The following PTGDS variants were observed in gnomAD, a reference collection of about 807,000 sequenced individuals.
PTGDS encodes prostaglandin-H2 D-isomerase.
A neutral mutation model predicts 28.4 loss-of-function variants in PTGDS; 21 were observed. The observed-to-expected ratio is 0.74, with a 90% CI of 0.52 to 1.07. The LOEUF (loss-of-function observed/expected upper bound fraction) is 1.07. Ranked by LOEUF, PTGDS falls within the 50% of genes least tolerant of loss-of-function variation. PTGDS has a pLI of 0.00. For synonymous variants in PTGDS, 102 were observed against 106.0 expected, an observed-to-expected ratio of 0.96 and a Z score of 0.23; for missense variants, 243 against 247.7, an observed-to-expected ratio of 0.98 and a Z score of 0.13.
At chr9:136,978,971 G>C (rs1434617572) in intron 1 of PTGDS, 22 bp from the exon 2 acceptor site, 1 of 1,602,356 alleles carries the variant, frequency 6.2e-7, no homozygotes, top group Non-Finnish European at 8.5e-7. Context: ...TGGCCGACGC[G>C]GGTGGGGGTC....
In PTGDS at chr9:136,979,045, G is replaced by C; in HGVS notation, c.167G>C (p.Arg56Pro). Reference sequence around the variant, plus strand: ...CTCGCCTCCAACTCGAGCTGGCTCCGGGAGAAGAAGGCGGCGTTGTCCATG... The same window carrying C: ...CTCGCCTCCAACTCGAGCTGGCTCCCGGAGAAGAAGGCGGCGTTGTCCATG... The part of the protein sequence containing the change: ...AGLASNSSWL[R>P]EKKAALSMCK... The change falls in exon 2 of 7, where the codon CGG (arginine) becomes CCG (proline). Residue 56 changes from arginine to proline, a missense_variant. Transcript: ENST00000371625. The C allele has an allele frequency of 6.2e-7, 1 of 1,608,700 alleles. No individual in the cohort carries two copies. Among genetic ancestry groups the C allele is most frequent in the Admixed American group, 1.7e-5 (1 of 59,656 alleles).
chr9:136,978,819 G>T (rs760801858), intron 1 of PTGDS, 174 bp from the exon 2 acceptor site: 11 of 894,794 alleles, frequency 1.2e-5, no homozygotes, highest in South Asian at 1.1e-4. Context: ...GGGATTGAGG[G>T]GCGGGGGTCA....
chr9:136,977,742 G>A, intron 1 of PTGDS, 50 bp downstream of exon 1: 2 of 1,456,150 alleles, frequency 1.4e-6, no homozygotes, highest in African/African-American at 2.9e-5. Context: ...CCCTGTCAGG[G>A]GAAGGGCACT....
intron 3 of PTGDS, 168 bp from the exon 4 acceptor site, chr9:136,979,778 T>A (rs1830425679): frequency 2.8e-6 from 2 of 716,996 alleles, no homozygotes; most frequent in Admixed American, 4.3e-5. Flanking sequence ...GTTCACAGGC[T>A]GTGCAGGCGA....
At chr9:136,978,479 TG>T (rs1231017646) in intron 1 of PTGDS, among the ~76,000 whole-genome samples, 1 of 7,450 alleles carries the variant, frequency 1.3e-4, no homozygotes, top group Non-Finnish European at 2.5e-4. Flanking sequence ...GAGGGGGAAG[TG>T]GGGCGTGGTC....
At chr9:136,981,303 A>G (rs2131398812) in intron 6 of PTGDS, among the ~76,000 whole-genome samples, 1 of 152,152 alleles carries the variant, frequency 6.6e-6, no homozygotes, top group East Asian at 1.9e-4. Flanking sequence ...CAGCTCGGAG[A>G]GCAGGCTCAG....
At chr9:136,978,103 CACAG>C (rs892324407) in intron 1 of PTGDS, among the ~76,000 whole-genome samples, 101 of 152,274 alleles carry the variant, frequency 6.6e-4, no homozygotes, top group Non-Finnish European at 1.4e-3. Flanking sequence ...ACGCGCACCG[CACAG>C]ACAGCCGGCG....
intron 1 of PTGDS, among the ~76,000 whole-genome samples, chr9:136,978,354 C>A (rs1320149681): frequency 6.6e-6 from 1 of 150,490 alleles, no homozygotes; most frequent in Non-Finnish European, 1.5e-5. Context: ...TGGTGGGCGG[C>A]GTGCGAGGGT....
chr9:136,981,102 A>C, intron 6 of PTGDS: 1 of 573,732 alleles, frequency 1.7e-6, no homozygotes, highest in South Asian at 2.5e-5. Flanking sequence ...CTGACTCCTG[A>C]AGGCTCATGG....
At chr9:136,979,871 G>A in intron 3 of PTGDS, 75 bp from the exon 4 acceptor site, 2 of 1,388,170 alleles carry the variant, frequency 1.4e-6, no homozygotes, top group Non-Finnish European at 2.0e-6. Context: ...AAGCCCACAG[G>A]TGCACCCCTT....
In PTGDS at chr9:136,979,985, A is replaced by G. The variant is rs1457682620; in HGVS notation, c.371A>G (p.Asp124Gly). The G allele has an allele frequency of 6.2e-7, 1 of 1,613,084 alleles. No homozygotes were observed. The highest frequency in any genetic ancestry group is 1.3e-5 in the African/African-American group (1 of 74,908). The stretch of plus-strand genomic sequence containing the variant: ...TACTCCGTGTCAGTGGTGGAGACCG[A>G]CTACGACCAGTACGCGCTGCTGTAC... ...STYSVSVVETDYDQYALLYSQ... is the reference protein window; with the variant it reads ...STYSVSVVETGYDQYALLYSQ... Residue 124 changes from aspartate to glycine, a missense_variant, in exon 4 of 7, where the codon GAC (aspartate) becomes GGC (glycine). Asp to Gly is a moderately conservative substitution (Grantham distance 94). Transcript: ENST00000371625.
chr9:136,977,668 G>A lies in PTGDS; in HGVS notation c.90G>A (p.Val30=). 6.2e-7 allele frequency: 1 copy of A among 1,604,468 alleles called. No individual in the cohort carries two copies. Among genetic ancestry groups the A allele is most frequent in the Non-Finnish European group, 8.5e-7 (1 of 1,176,742 alleles). Residue 30 remains valine (V), a synonymous_variant, in exon 1 of 7, where the codon GTG becomes GTA. Transcript: ENST00000371625. The part of the protein sequence containing the change: ...LQAAPEAQVS[V]QPNFQQDKFL... Reference sequence around the variant, plus strand: ...CAGCACCGGAGGCCCAGGTCTCCGTGCAGCCCAACTTCCAGCAGGACAAGG... The same window carrying A: ...CAGCACCGGAGGCCCAGGTCTCCGTACAGCCCAACTTCCAGCAGGACAAGG...
At chr9:136,978,840 C>A (rs934366593) in intron 1 of PTGDS, 153 bp from the exon 2 acceptor site, 3 of 762,696 alleles carry the variant, frequency 3.9e-6, no homozygotes, top group East Asian at 3.8e-5. Context: ...GTTCCTGGGG[C>A]GGGGCGTGAG....
chr9:136,979,732 G>C lies in PTGDS; in HGVS notation c.332-214G>C. On this transcript the variant is annotated intron_variant, in intron 3 of 6. Transcript: ENST00000371625. ...GCTGCACCAGGAATCCTGGTTTTCTGAGCCTGGCTCCCCCAGATTCTGGTT... is the reference window on the plus strand; with the variant it reads ...GCTGCACCAGGAATCCTGGTTTTCTCAGCCTGGCTCCCCCAGATTCTGGTT... The C allele has an allele frequency of 4.7e-6, 3 of 631,714 alleles. No homozygotes were observed. The South Asian group carries it at 5.6e-5, about 12-fold the overall frequency. The allele number at this position is 631,714 out of a possible 1,614,324, so 39.1% of individuals were successfully genotyped here.
In PTGDS at chr9:136,979,055, G is replaced by A. The variant is rs1353707200; in HGVS notation, c.177G>A (p.Lys59=). 1.4e-5 allele frequency: 23 copies of A among 1,608,736 alleles called. No individual in the cohort carries two copies. Among genetic ancestry groups the A allele is most frequent in the Non-Finnish European group, 1.8e-5 (21 of 1,177,446 alleles). ...ASNSSWLREK[K]AALSMCKSVV... ...ACTCGAGCTGGCTCCGGGAGAAGAA[G>A]GCGGCGTTGTCCATGTGCAAGTCTG... The change falls in exon 2 of 7, where the codon AAG becomes AAA. Residue 59 remains lysine, a synonymous_variant. Transcript: ENST00000371625.
Position 136,979,248 on chromosome 9 carries a change from A to G in PTGDS, c.280A>G (p.Met94Val). 1.2e-6 allele frequency: 2 copies of G among 1,612,864 alleles called. No individual in the cohort carries two copies. The highest frequency in any genetic ancestry group is 1.1e-5 in the South Asian group (1 of 91,086). The change falls in exon 3 of 7, where the codon ATG (methionine) becomes GTG (valine). Residue 94 changes from methionine to valine, a missense_variant. Met to Val is a conservative substitution (Grantham distance 21, BLOSUM62 1). Transcript: ENST00000371625. Reference sequence around the variant, plus strand: ...GAAAAACCAGTGTGAGACCCGAACCATGCTGCTGCAGCCCGCGGGGTCCCT... The same window carrying G: ...GAAAAACCAGTGTGAGACCCGAACCGTGCTGCTGCAGCCCGCGGGGTCCCT... ...LRKNQCETRT[M>V]LLQPAGSLGS...
chr9:136,979,456 C>T, intron 3 of PTGDS, 157 bp downstream of exon 3: 1 of 1,545,372 alleles, frequency 6.5e-7, no homozygotes, highest in Non-Finnish European at 8.7e-7. Context: ...GCGTGACTAC[C>T]CATGCACAAG....
chr9:136,979,459 T>C, intron 3 of PTGDS, 160 bp downstream of exon 3: 1 of 1,542,702 alleles, frequency 6.5e-7, no homozygotes, highest in East Asian at 2.4e-5. Context: ...TGACTACCCA[T>C]GCACAAGTGT....
intron 3 of PTGDS, 101 bp downstream of exon 3, chr9:136,979,400 A>C: frequency 6.4e-7 from 1 of 1,572,144 alleles, no homozygotes; most frequent in Non-Finnish European, 8.6e-7. Context: ...ATGGGGTGGG[A>C]GGTGATGGCT....
Sources: gnomAD v4.1 joint callset for allele counts (sites outside exome capture counted in the v4.1 genomes callset) on GRCh38, gnomAD v4.1.1 for gene constraint, MANE v1.5 for transcripts, NCBI Gene and HGNC (gene_info 2026-07-23, HGNC 2026-07-21) for gene names.